MYH11: variants seen among roughly 807,000 people sequenced by gnomAD.
The protein encoded by MYH11 is myosin heavy chain 11, also known as myosin-11.
A neutral mutation model predicts 246.6 loss-of-function variants in MYH11; 80 were observed. That is an observed-to-expected ratio of 0.32 (90% CI 0.27 to 0.39). The LOEUF (loss-of-function observed/expected upper bound fraction) is 0.39. Among genes scored for constraint, MYH11 ranks in the 10% least tolerant of loss-of-function variants. MYH11 has a pLI of 1.00. For missense variants in MYH11, 2,158 were observed against 2,546.8 expected, an observed-to-expected ratio of 0.85 and a Z score of 3.29; for synonymous variants, 1,071 against 1,015.5, an observed-to-expected ratio of 1.05 and a Z score of -1.04.
chr16:15,847,613 G>T (rs1395731176), intron 1 of MYH11, among the ~76,000 whole-genome samples: 1 of 152,122 alleles, frequency 6.6e-6, no homozygotes, highest in Admixed American at 6.6e-5. Flanking sequence ...AGAAAAAATA[G>T]CAAAAGCTAC....
intron 2 of MYH11, among the ~76,000 whole-genome samples, chr16:15,832,417 G>A (rs538597235): frequency 1.3e-5 from 2 of 152,232 alleles, no homozygotes; most frequent in African/African-American, 2.4e-5. Flanking sequence ...GAACAAAAGA[G>A]GTGCCACGGT....
rs776843079 is a variant in MYH11 at position 15,757,899 on chromosome 16, G to A, written c.1503C>T (p.Arg501=). Residue 501 remains arginine, a synonymous_variant, in exon 13 of 41, where the codon CGC becomes CGT. Coordinates refer to ENST00000300036, the MANE Select transcript of MYH11 (RefSeq NM_002474.3). ...MFILEQEEYQ[R]EGIEWNFIDF... is the part of the protein sequence containing the mutation. ...CGATGAAGTTCCACTCGATGCCCTC[G>A]CGCTGGTACTCCTCCTGCTCCAGGA... The A allele has an allele frequency of 2.7e-5, 44 of 1,614,198 alleles. No individual in the cohort carries two copies. In the Admixed American group the frequency reaches 3.7e-4, roughly 13 times the overall value.
chr16:15,811,293 C>G (rs778892613), intron 3 of MYH11, among the ~76,000 whole-genome samples: 40 of 152,206 alleles, frequency 2.6e-4, no homozygotes, highest in Non-Finnish European at 5.0e-4. Context: ...AGACACAAGG[C>G]CTATGCTAGT....
At chr16:15,779,050 C>T (rs1010440330) in intron 6 of MYH11, 41 of 660,584 alleles carry the variant, frequency 6.2e-5, no homozygotes, top group Admixed American at 1.3e-4. Flanking sequence ...AGCAACAGAA[C>T]GTGTAAAACA....
intron 3 of MYH11, among the ~76,000 whole-genome samples, chr16:15,815,656 C>G (rs12691049): frequency 6.6e-6 from 1 of 151,936 alleles, no homozygotes; most frequent in African/African-American, 2.4e-5. Context: ...TGTGGACACA[C>G]GTTTATAGAT....
chr16:15,737,242 T>C (rs1451176830), intron 25 of MYH11, among the ~76,000 whole-genome samples: 1 of 152,082 alleles, frequency 6.6e-6, no homozygotes, highest in Non-Finnish European at 1.5e-5. Context: ...CATGATGTGT[T>C]TGCAGGGAAG....
chr16:15,735,730 C>T (rs2041098778), intron 25 of MYH11, 152 bp from the exon 26 acceptor site: 1 of 773,964 alleles, frequency 1.3e-6, no homozygotes, highest in Admixed American at 2.0e-5. Context: ...CTTGACATGC[C>T]AGACTATATG....
At chr16:15,833,381 G>GAGGAAGGAAGGA (rs148317130) in intron 2 of MYH11, among the ~76,000 whole-genome samples, 13,707 of 136,510 alleles carry the variant, frequency 0.1, 980 homozygotes, top group African/African-American at 0.19. Flanking sequence ...GGGAGGGAGG[G>GAGGAAGGAAGGA]AGGGAGGAAG....
rs769482248 is a variant in MYH11 at position 15,718,304 on chromosome 16, G to GC, written c.5295+10dup. On this transcript the variant is annotated intron_variant, in intron 37 of 40. Transcript: ENST00000300036. The stretch of plus-strand genomic sequence containing the variant: ...TAGGCAGCGTGACTGTGGTGTCCAG[G>GC]CGGCCCTCACCTGCTGTGTGGCTTT... 6.2e-7 allele frequency: 1 copy of GC among 1,608,214 alleles called. No individual in the cohort carries two copies. Among genetic ancestry groups the GC allele is most frequent in the Non-Finnish European group, 8.5e-7 (1 of 1,179,964 alleles).
chr16:15,735,173 C>T (rs1376123986), intron 26 of MYH11, among the ~76,000 whole-genome samples, 193 bp downstream of exon 26: 4 of 112,728 alleles, frequency 3.5e-5, no homozygotes, highest in African/African-American at 1.3e-4. Flanking sequence ...AGCCAGACTG[C>T]CTCAAAAAAA....
intron 4 of MYH11, among the ~76,000 whole-genome samples, chr16:15,795,031 A>C (rs8054219): frequency 0.48 from 73,041 of 152,036 alleles, 21,138 homozygotes; most frequent in African/African-American, 0.82. Context: ...GGGCTGGGCG[A>C]AGTGGCTCAT....
intron 20 of MYH11, 35 bp from the exon 21 acceptor site, chr16:15,741,926 G>T (rs368343020): frequency 2.9e-5 from 46 of 1,613,724 alleles, no homozygotes; most frequent in Non-Finnish European, 3.8e-5. Flanking sequence ...ATTTGTTTTT[G>T]TGGCAAAGGG....
intron 31 of MYH11, 75 bp downstream of exon 31, chr16:15,724,086 C>A: frequency 6.2e-7 from 1 of 1,603,722 alleles, no homozygotes; most frequent in Non-Finnish European, 8.5e-7. Flanking sequence ...GCCAGAGCCA[C>A]GCGTCATACT....
At chr16:15,777,032 G>T (rs1176245047) in intron 7 of MYH11, among the ~76,000 whole-genome samples, 1 of 152,086 alleles carries the variant, frequency 6.6e-6, no homozygotes, top group African/African-American at 2.4e-5. Flanking sequence ...GGCTACCACA[G>T]CCCATGTCCA....
chr16:15,766,457 G>A (rs1040080574), intron 9 of MYH11, among the ~76,000 whole-genome samples: 7 of 151,430 alleles, frequency 4.6e-5, no homozygotes, highest in Non-Finnish European at 8.8e-5. Flanking sequence ...CAACCTCTGC[G>A]CTTCCCAGGT....
chr16:15,714,738 T>C, intron 40 of MYH11, 171 bp downstream of exon 40: 1 of 855,856 alleles, frequency 1.2e-6, no homozygotes, highest in South Asian at 1.5e-5. Flanking sequence ...GGGTCTGATC[T>C]CAGTGCCTGG....
chr16:15,804,477 G>A lies in MYH11; in HGVS notation c.503-5790C>T, dbSNP rs148683805. On this transcript the variant is annotated intron_variant, in intron 3 of 40. Transcript: ENST00000300036. ...GTGGAGTTTGCAGTGAGCTGAGATC[G>A]CGCCACTGCACTCCAGCCTGGGTGA... is the stretch of plus-strand genomic sequence containing the variant. 9.7e-3 allele frequency among the ~76,000 whole-genome samples: 1,474 copies of A among 152,180 alleles called. 29 individuals carry two copies. Among genetic ancestry groups the A allele is most frequent in the African/African-American group, 0.034 (1,403 of 41,502 alleles).
chr16:15,724,501 C>T (rs2040648661), intron 30 of MYH11, 92 bp from the exon 31 acceptor site: 20 of 1,608,536 alleles, frequency 1.2e-5, no homozygotes, highest in Non-Finnish European at 1.7e-5. Flanking sequence ...AAGACCATGT[C>T]TCCTCGTTGG....
chr16:15,825,687 G>A (rs1452433307), intron 2 of MYH11, among the ~76,000 whole-genome samples: 1 of 152,114 alleles, frequency 6.6e-6, no homozygotes, highest in Non-Finnish European at 1.5e-5. Context: ...CCTACTGGGT[G>A]AATAGGAGCA....
Sources: allele counts gnomAD v4.1 joint callset (sites outside exome capture counted in the v4.1 genomes callset), GRCh38; gene constraint gnomAD v4.1.1; transcripts MANE v1.5; gene names NCBI Gene and HGNC (gene_info 2026-07-23, HGNC 2026-07-21).